Variants in CDH10 observed in about 807,000 individuals in gnomAD.
CDH10 encodes cadherin-10.
A neutral mutation model predicts 73.1 loss-of-function variants in CDH10; 30 were observed. The observed-to-expected ratio is 0.41, with a 90% CI of 0.31 to 0.56. The LOEUF is 0.56. CDH10 is among the 20% of genes least tolerant of loss of function. The pLI, the probability that CDH10 is intolerant of heterozygous loss-of-function variation, is 0.27. For missense variants in CDH10, 815 were observed against 973.7 expected (o/e 0.84, Z 2.17); for synonymous variants, 345 against 348.2 (o/e 0.99, Z 0.10).
intron 1 of CDH10, among the ~76,000 whole-genome samples, chr5:24,632,719 A>T (rs944208069): frequency 6.6e-5 from 10 of 151,962 alleles, no homozygotes; most frequent in African/African-American, 2.2e-4. Flanking sequence ...ATTTGTATGC[A>T]ATTTTATAAA....
At position 24,537,521 on chromosome 5, in the gene CDH10, C is replaced by A. The variant is rs760804087; in HGVS notation, c.385G>T (p.Ala129Ser). 1 of 1,613,218 alleles carries A rather than the reference C, an allele frequency of 6.2e-7. No individual in the cohort carries two copies. Among genetic ancestry groups the A allele is most frequent in the Admixed American group, 1.7e-5 (1 of 59,912 alleles). Residue 129 changes from alanine to serine, a missense_variant, in exon 3 of 12, where the codon GCA becomes TCA. Around this residue, in one of 3 missense-constraint regions of CDH10, gnomAD observed 516 missense variants for 636.6 expected, o/e 0.81. Transcript: ENST00000264463. ...REEKAFYTLRAQAINRRTLRP... is the reference protein window; with the variant it reads ...REEKAFYTLRSQAINRRTLRP... ...AGAGTTCTTCTGTTAATAGCTTGTG[C>A]GCGTAGAGTATAAAAGGCCTTTTCC... is the stretch of plus-strand genomic sequence containing the variant.
At chr5:24,590,340 A>C (rs2112084422) in intron 2 of CDH10, among the ~76,000 whole-genome samples, 1 of 151,182 alleles carries the variant, frequency 6.6e-6, no homozygotes, top group South Asian at 2.1e-4. Context: ...TTTATAATGT[A>C]ATATTATTAG....
At position 24,509,527 on chromosome 5, in the gene CDH10, C is replaced by T. The variant is rs760067812; in HGVS notation, c.1256+39G>A. 4.4e-6 allele frequency: 7 copies of T among 1,601,734 alleles called. No individual in the cohort carries two copies. The Admixed American group carries it at 8.4e-5, about 19-fold the overall frequency. On this transcript the variant is annotated intron_variant, in intron 7 of 11. Transcript: ENST00000264463. ...GTGCTGGGATTACAGGCGTGAGCCA[C>T]CGAGCCCGGCTGTTTTCATTTTTAA...
At chr5:24,499,546 G>A (rs1434610475) in intron 8 of CDH10, 1 of 152,162 alleles carries the variant, frequency 6.6e-6, no homozygotes, top group East Asian at 1.9e-4. Context: ...AAATAGCCAG[G>A]TGTTGTGGCA....
chr5:24,544,479 G>A (rs1418253050), intron 2 of CDH10, among the ~76,000 whole-genome samples: 1 of 152,212 alleles, frequency 6.6e-6, no homozygotes, highest in Non-Finnish European at 1.5e-5. Flanking sequence ...ACATATAGCT[G>A]CATAAATTAG....
At chr5:24,493,557 C>A (rs958205549) in intron 9 of CDH10, among the ~76,000 whole-genome samples, 11 of 151,328 alleles carry the variant, frequency 7.3e-5, no homozygotes, top group Admixed American at 6.6e-4. Flanking sequence ...ACAATTTAGC[C>A]CCTAATATAT....
intron 1 of CDH10, among the ~76,000 whole-genome samples, chr5:24,624,272 G>A (rs1291536822): frequency 1.3e-5 from 2 of 152,028 alleles, no homozygotes; most frequent in East Asian, 3.9e-4. Context: ...TGCCACCCTT[G>A]AAAGTAAACT....
intron 2 of CDH10, among the ~76,000 whole-genome samples, chr5:24,538,413 G>A (rs1410494551): frequency 4.6e-5 from 7 of 152,092 alleles, no homozygotes; most frequent in Admixed American, 3.9e-4. Context: ...TACAAGGCCT[G>A]TGTCTTGCTT....
At chr5:24,501,754 C>T (rs1270119994) in intron 8 of CDH10, among the ~76,000 whole-genome samples, 2 of 152,120 alleles carry the variant, frequency 1.3e-5, no homozygotes, top group Admixed American at 6.5e-5. Flanking sequence ...GTTCTTTAGT[C>T]ATAAACTTAG....
rs1747255655 is a variant in CDH10, at chr5:24,619,979, C to G, written c.-124+24615G>C. On this transcript the variant is annotated intron_variant, in intron 1 of 11. Coordinates refer to ENST00000264463, the MANE Select transcript of CDH10 (RefSeq NM_006727.5). ...ACTTTATGGTAGGTTGTCACTGTAA[C>G]CAGAAGGGACTAAGAAAGTCACCAT... Among the ~76,000 whole-genome samples the G allele has an allele frequency of 2.0e-5, 3 of 152,174 alleles. 1 individual carries two copies. In the South Asian group the frequency reaches 6.2e-4, roughly 32 times the overall value.
intron 1 of CDH10, among the ~76,000 whole-genome samples, chr5:24,608,747 A>G (rs1455189270): frequency 6.6e-6 from 1 of 152,240 alleles, no homozygotes; most frequent in African/African-American, 2.4e-5. Flanking sequence ...CTTCACATGA[A>G]CCAGATACTT....
At chr5:24,515,908 C>A (rs533953453) in intron 5 of CDH10, among the ~76,000 whole-genome samples, 9 of 152,130 alleles carry the variant, frequency 5.9e-5, no homozygotes, top group African/African-American at 2.2e-4. Flanking sequence ...GGGAGTTTTC[C>A]CCTGAGCAAT....
At chr5:24,629,837 T>C (rs1046723986) in intron 1 of CDH10, among the ~76,000 whole-genome samples, 14 of 152,192 alleles carry the variant, frequency 9.2e-5, no homozygotes, top group Admixed American at 3.3e-4. Context: ...CTTTTCTTTA[T>C]AAATTACCCA....
intron 2 of CDH10, among the ~76,000 whole-genome samples, chr5:24,584,479 AG>A (rs1745918130): frequency 1.0e-5 from 1 of 99,806 alleles, no homozygotes; most frequent in Non-Finnish European, 1.8e-5. Context: ...TGTGTGTGAG[AG>A]AGAGAGAGAG....
intron 2 of CDH10, among the ~76,000 whole-genome samples, chr5:24,589,223 C>T (rs1475542612): frequency 1.3e-5 from 2 of 151,988 alleles, no homozygotes; most frequent in Admixed American, 1.3e-4. Flanking sequence ...AGAAGGATGA[C>T]CACGAGGCTG....
intron 1 of CDH10, among the ~76,000 whole-genome samples, chr5:24,628,132 C>T (rs922584993): frequency 6.6e-6 from 1 of 152,058 alleles, no homozygotes; most frequent in South Asian, 2.1e-4. Context: ...TACTGCCTCC[C>T]CTGGTTACAC....
chr5:24,633,401 C>T (rs1747765850), intron 1 of CDH10, among the ~76,000 whole-genome samples: 1 of 151,722 alleles, frequency 6.6e-6, no homozygotes, highest in Non-Finnish European at 1.5e-5. Context: ...AAAATGTAAA[C>T]AAATTTGTCT....
chr5:24,557,601 G>A (rs1744814113), intron 2 of CDH10, among the ~76,000 whole-genome samples: 3 of 151,538 alleles, frequency 2.0e-5, no homozygotes, highest in African/African-American at 4.8e-5. Flanking sequence ...CTTTAGTCTT[G>A]TCAAAGGAAA....
chr5:24,512,479 TA>T (rs772630572), intron 5 of CDH10, among the ~76,000 whole-genome samples: 54 of 152,058 alleles, frequency 3.6e-4, no homozygotes, highest in African/African-American at 1.3e-3. Flanking sequence ...GGCAGAACAT[TA>T]CAAAATCCAA....
Sources: allele counts gnomAD v4.1 joint callset (sites outside exome capture counted in the v4.1 genomes callset), GRCh38; gene constraint gnomAD v4.1.1; regional missense constraint gnomAD v4.1.1; transcripts MANE v1.5; gene names NCBI Gene and HGNC (gene_info 2026-07-23, HGNC 2026-07-21).